CCDC171: variants seen among roughly 807,000 people sequenced by gnomAD.
The protein encoded by CCDC171 is coiled-coil domain-containing protein 171.
Under a neutral mutation model 168.2 loss-of-function variants are expected in CCDC171, and 177 were observed. The ratio of observed to expected loss-of-function variants is 1.05; its 90% confidence interval spans 0.93 to 1.19. The LOEUF is 1.19. CCDC171 is among the 50% of genes most tolerant of loss of function. The probability of loss-of-function intolerance (pLI) is 0.00; values close to 1 mark genes in which losing one functional copy is unlikely to be tolerated. For missense variants in CCDC171, 1,991 were observed against 1,539.0 expected (o/e 1.29, Z -4.91); for synonymous variants, 687 against 540.8 (o/e 1.27, Z -3.75).
intron 19 of CCDC171, 36 bp downstream of exon 19, chr9:15,777,862 A>C: frequency 7.5e-7 from 1 of 1,332,464 alleles, no homozygotes; most frequent in Non-Finnish European, 1.0e-6. Flanking sequence ...TAACCTAAGA[A>C]CTTGTAGGTT....
At chr9:16,064,119 C>T (rs1279366637), downstream of CCDC171, among the ~76,000 whole-genome samples, 1 of 152,228 alleles carries the variant, frequency 6.6e-6, no homozygotes. Flanking sequence ...TAGGCCACCT[C>T]CAACCTAAAT....
At chr9:15,915,815 T>C (rs2131913790) in intron 24 of CCDC171, among the ~76,000 whole-genome samples, 1 of 152,284 alleles carries the variant, frequency 6.6e-6, no homozygotes, top group East Asian at 1.9e-4. Flanking sequence ...AGGATTTTTA[T>C]CATGATGGTA....
intron 2 of CCDC171, among the ~76,000 whole-genome samples, chr9:15,570,900 C>T (rs554538854): frequency 1.3e-5 from 2 of 152,006 alleles, no homozygotes; most frequent in African/African-American, 2.4e-5. Flanking sequence ...GGGAATAAAC[C>T]CCTAGTGTTT....
At chr9:15,696,964 A>G (rs1163880158) in intron 11 of CCDC171, among the ~76,000 whole-genome samples, 1 of 152,046 alleles carries the variant, frequency 6.6e-6, no homozygotes, top group Admixed American at 6.6e-5. Flanking sequence ...ACATGTTTCC[A>G]TTTTGTGCTG....
In CCDC171 at chr9:15,818,250, CAG is replaced by C. The variant is rs2059633093; in HGVS notation, c.3268-28449_3268-28448del. ...TAAAACCACAAAGATAGGGAAAAAA[CAG>C]AGCAGAAATACTGGAAACTGTAAAA... On this transcript the variant is annotated intron_variant, in intron 21 of 25. Coordinates refer to ENST00000380701, the MANE Select transcript of CCDC171 (RefSeq NM_173550.4). Among the ~76,000 whole-genome samples the C allele has an allele frequency of 2.6e-5, 3 of 117,008 alleles. 1 individual carries two copies. The highest frequency in any genetic ancestry group is 2.4e-4 in the Admixed American group (3 of 12,372). The allele number at this position is 117,008 out of a possible 152,430, so 76.8% of individuals were successfully genotyped here.
At chr9:16,103,124 T>C in the CCDC171 span, among the ~76,000 whole-genome samples, 3 of 152,202 alleles carry the variant, frequency 2.0e-5, no homozygotes, top group African/African-American at 7.2e-5. Flanking sequence ...CGGCCTTCAA[T>C]TGATTTTGCA....
chr9:15,913,198 A>G (rs1164804952), intron 24 of CCDC171, among the ~76,000 whole-genome samples: 1 of 152,020 alleles, frequency 6.6e-6, no homozygotes, highest in Non-Finnish European at 1.5e-5. Flanking sequence ...TACTGCCTCA[A>G]TTTCAGAACT....
At chr9:15,735,877 T>C (rs2054462180) in intron 16 of CCDC171, among the ~76,000 whole-genome samples, 1 of 152,236 alleles carries the variant, frequency 6.6e-6, no homozygotes, top group Non-Finnish European at 1.5e-5. Flanking sequence ...GACTTCTGAC[T>C]ACTTTTCAAA....
At chr9:15,607,158 C>T (rs1428588568) in intron 6 of CCDC171, among the ~76,000 whole-genome samples, 1 of 152,146 alleles carries the variant, frequency 6.6e-6, no homozygotes, top group East Asian at 1.9e-4. Flanking sequence ...TTTATATATA[C>T]TCAATGCCCA....
the CCDC171 span, among the ~76,000 whole-genome samples, chr9:16,092,712 C>G: frequency 2.6e-5 from 4 of 152,232 alleles, no homozygotes; most frequent in African/African-American, 9.6e-5. Context: ...TCTGTTCACT[C>G]TGGGTCCTTT....
intron 20 of CCDC171, among the ~76,000 whole-genome samples, chr9:15,783,690 G>A (rs2057784583): frequency 6.6e-6 from 1 of 152,114 alleles, no homozygotes; most frequent in Non-Finnish European, 1.5e-5. Flanking sequence ...ATACAAGCTT[G>A]TCTTGCCTTG....
downstream of CCDC171, among the ~76,000 whole-genome samples, chr9:15,976,552 C>A (rs1589290298): frequency 6.6e-6 from 1 of 151,726 alleles, no homozygotes; most frequent in East Asian, 1.9e-4. Flanking sequence ...TTATTTTATT[C>A]CATTTTGGTT....
chr9:15,908,144 C>G (rs1589083383), intron 24 of CCDC171, among the ~76,000 whole-genome samples: 2 of 151,680 alleles, frequency 1.3e-5, no homozygotes, highest in East Asian at 3.9e-4. Flanking sequence ...ACCCAGCCAT[C>G]CCATTACTGG....
intron 25 of CCDC171, among the ~76,000 whole-genome samples, chr9:15,930,781 A>G (rs1826416046): frequency 6.6e-6 from 1 of 151,744 alleles, no homozygotes. Context: ...TCAAAGACCT[A>G]TTTATAAGAG....
rs542246488 is a variant in CCDC171 at position 15,876,099 on chromosome 9, C to T, written c.3600+1436C>T. On this transcript the variant is annotated intron_variant, in intron 24 of 25. Coordinates refer to ENST00000380701, the MANE Select transcript of CCDC171 (RefSeq NM_173550.4). ...CCTCAAAACTAGATGTTGGTGATTT[C>T]GAAAGAGGTTGATTCCCCAAAATGC... is the stretch of plus-strand genomic sequence containing the variant. 4.6e-5 allele frequency: 7 copies of T among 152,016 alleles called. No individual in the cohort carries two copies. In the East Asian group the frequency reaches 5.8e-4, roughly 13 times the overall value. The allele number at this position is 152,016 out of a possible 1,614,324, so 9.4% of individuals were successfully genotyped here.
chr9:15,993,141 A>G (rs1222141418), intron 3 of CCDC171, among the ~76,000 whole-genome samples: 1 of 151,928 alleles, frequency 6.6e-6, no homozygotes, highest in African/African-American at 2.4e-5. Context: ...TGCCAAATCA[A>G]TCCTAAGCCA....
chr9:16,089,816 GA>G, the CCDC171 span, among the ~76,000 whole-genome samples: 6 of 151,656 alleles, frequency 4.0e-5, no homozygotes, highest in African/African-American at 1.5e-4. Flanking sequence ...CAAGAAACAT[GA>G]AAAAAAGCTT....
At chr9:15,871,535 A>G (rs1255985796) in intron 23 of CCDC171, among the ~76,000 whole-genome samples, 1 of 151,898 alleles carries the variant, frequency 6.6e-6, no homozygotes, top group East Asian at 1.9e-4. Flanking sequence ...GACAGTAACT[A>G]ATTTGCTTTA....
chr9:15,599,227 C>T (rs2042634782), intron 6 of CCDC171, among the ~76,000 whole-genome samples: 2 of 152,120 alleles, frequency 1.3e-5, no homozygotes, highest in South Asian at 4.1e-4. Flanking sequence ...TTAGTTGATG[C>T]AGTTTCTTCC....
Sources: allele counts gnomAD v4.1 joint callset (sites outside exome capture counted in the v4.1 genomes callset), GRCh38; gene constraint gnomAD v4.1.1; transcripts MANE v1.5; gene names NCBI Gene and HGNC (gene_info 2026-07-23, HGNC 2026-07-21).